PARVA: variants seen among roughly 807,000 people sequenced by gnomAD.
The protein encoded by PARVA is alpha-parvin.
PARVA carries 25 observed loss-of-function variants against 52.6 expected under a neutral mutation model. The observed-to-expected ratio is 0.48, with a 90% CI of 0.35 to 0.66. PARVA has a LOEUF of 0.66. Ranked by LOEUF, PARVA falls within the 30% of genes least tolerant of loss-of-function variation. PARVA has a pLI of 0.01. For missense variants in PARVA, 373 were observed against 450.9 expected (o/e 0.83, Z 1.56); for synonymous variants, 185 against 179.1 (o/e 1.03, Z -0.26).
rs1007157539 is a variant in PARVA, at chr11:12,408,077, G to A, written c.136+30294G>A. On this transcript the variant is annotated intron_variant, in intron 1 of 12. Transcript: ENST00000334956. ...GCAATTTCTACTGACTGTTTTTCAC[G>A]TGTGTCCTGCCAGTTCTAAGGTCTG... 8.5e-5 allele frequency among the ~76,000 whole-genome samples: 13 copies of A among 152,192 alleles called. No individual in the cohort carries two copies. The South Asian group carries it at 1.9e-3, about 22-fold the overall frequency.
intron 1 of PARVA, among the ~76,000 whole-genome samples, chr11:12,410,356 G>T (rs1939976191): frequency 6.6e-6 from 1 of 152,198 alleles, no homozygotes. Context: ...TCCCTCCAAG[G>T]TCTGCCTTTC....
intron 5 of PARVA, among the ~76,000 whole-genome samples, chr11:12,499,321 C>A (rs1028264144): frequency 6.6e-6 from 1 of 152,092 alleles, no homozygotes; most frequent in Non-Finnish European, 1.5e-5. Context: ...CTCTCAGTTA[C>A]CTTCCGTGGA....
chr11:12,407,040 T>C (rs1163198887), intron 1 of PARVA, among the ~76,000 whole-genome samples: 1 of 152,200 alleles, frequency 6.6e-6, no homozygotes, highest in East Asian at 1.9e-4. Flanking sequence ...GTATGTCTTA[T>C]TAGACCCTAG....
intron 1 of PARVA, among the ~76,000 whole-genome samples, chr11:12,428,755 G>C (rs1400813026): frequency 3.3e-5 from 5 of 152,120 alleles, no homozygotes; most frequent in Non-Finnish European, 4.4e-5. Context: ...CCCCACGCAG[G>C]CACCTTTCAA....
chr11:12,458,315 T>A (rs1940726120), intron 1 of PARVA, among the ~76,000 whole-genome samples: 1 of 152,186 alleles, frequency 6.6e-6, no homozygotes. Context: ...CATACCCTAC[T>A]GAGAGTGAGC....
intron 1 of PARVA, among the ~76,000 whole-genome samples, chr11:12,414,339 G>C (rs544519102): frequency 1.3e-5 from 2 of 152,318 alleles, no homozygotes; most frequent in South Asian, 2.1e-4. Context: ...AGTTTGCTGA[G>C]TTTTATGCAG....
At chr11:12,508,730 A>G in intron 7 of PARVA, 88 bp downstream of exon 7, 2 of 1,034,456 alleles carry the variant, frequency 1.9e-6, no homozygotes, top group Non-Finnish European at 3.0e-6. Flanking sequence ...TTTAGTTTTC[A>G]TTTATTGGGA....
intron 10 of PARVA, among the ~76,000 whole-genome samples, chr11:12,516,656 A>T (rs766345888): frequency 1.4e-4 from 22 of 152,232 alleles, no homozygotes; most frequent in South Asian, 1.0e-3. Flanking sequence ...AGAGCAAGTA[A>T]GTCATGTCCT....
chr11:12,469,352 C>T (rs185085245), intron 1 of PARVA, among the ~76,000 whole-genome samples: 3 of 152,320 alleles, frequency 2.0e-5, no homozygotes, highest in Admixed American at 1.3e-4. Context: ...CTACCCCGAC[C>T]TTCAGCTGGG....
chr11:12,473,968 T>G lies in PARVA; in HGVS notation c.282T>G (p.Leu94=), dbSNP rs1220845690. 6.3e-7 allele frequency: 1 copy of G among 1,578,766 alleles called. No individual in the cohort carries two copies. Among genetic ancestry groups the G allele is most frequent in the East Asian group, 2.3e-5 (1 of 42,970 alleles). Reference sequence around the variant, plus strand: ...CAAACTCACGCAGTGACCCCAAGCTTCAAGAACTGATGAAGGTAAGAAGAA... The same window carrying G: ...CAAACTCACGCAGTGACCCCAAGCTGCAAGAACTGATGAAGGTAAGAAGAA... The part of the protein sequence containing the change: ...VDPNSRSDPK[L]QELMKVLIDW... Residue 94 remains leucine (L), a synonymous_variant, in exon 3 of 13, where the codon CTT becomes CTG. Coordinates refer to ENST00000334956, the MANE Select transcript of PARVA (RefSeq NM_018222.5).
At chr11:12,454,027 G>A (rs1348190776) in intron 1 of PARVA, among the ~76,000 whole-genome samples, 2 of 152,202 alleles carry the variant, frequency 1.3e-5, no homozygotes, top group Admixed American at 1.3e-4. Context: ...TTCCAGGAAG[G>A]CATTTGTATT....
chr11:12,490,456 G>T (rs1941220163), intron 4 of PARVA, among the ~76,000 whole-genome samples: 1 of 150,972 alleles, frequency 6.6e-6, no homozygotes, highest in East Asian at 1.9e-4. Context: ...GGTGGAGGTT[G>T]CAGTGAGCAG....
chr11:12,444,591 T>A (rs903981964), intron 1 of PARVA, among the ~76,000 whole-genome samples: 2 of 152,108 alleles, frequency 1.3e-5, no homozygotes, highest in African/African-American at 4.8e-5. Context: ...ACTACAGGCA[T>A]GCATCACCTC....
chr11:12,377,178 T>C (rs937463491), upstream of PARVA: 4 of 258,222 alleles, frequency 1.5e-5, no homozygotes, highest in Middle Eastern at 2.1e-3. Context: ...GTGGGCCTGA[T>C]AACCCCACAG....
intron 1 of PARVA, among the ~76,000 whole-genome samples, chr11:12,395,613 G>A (rs546888410): frequency 3.3e-5 from 5 of 152,264 alleles, no homozygotes; most frequent in African/African-American, 7.2e-5. Flanking sequence ...GGTACGGTGC[G>A]GCCCAGATCC....
chr11:12,378,884 G>A (rs947997532), intron 1 of PARVA, among the ~76,000 whole-genome samples: 1 of 152,152 alleles, frequency 6.6e-6, no homozygotes, highest in African/African-American at 2.4e-5. Flanking sequence ...TGGATCTCAC[G>A]CAAGAAAGAA....
intron 6 of PARVA, among the ~76,000 whole-genome samples, chr11:12,506,318 CTT>C (rs1423211350): frequency 2.6e-5 from 4 of 152,288 alleles, no homozygotes; most frequent in Non-Finnish European, 4.4e-5. Context: ...TAATAGCTCT[CTT>C]ATCACTAGAG....
At chr11:12,480,712 T>G (rs1941074781) in intron 4 of PARVA, 1 of 151,594 alleles carries the variant, frequency 6.6e-6, no homozygotes, top group Non-Finnish European at 1.5e-5. Context: ...TTTTGTGAAC[T>G]TAAGTTTAGA....
chr11:12,389,554 AGAAG>A (rs1589938233), intron 1 of PARVA, among the ~76,000 whole-genome samples: 1 of 152,322 alleles, frequency 6.6e-6, no homozygotes, highest in East Asian at 1.9e-4. Flanking sequence ...GTGCTGCAGT[AGAAG>A]CATTTAGGTG....
Sources: allele counts gnomAD v4.1 joint callset (sites outside exome capture counted in the v4.1 genomes callset), GRCh38; gene constraint gnomAD v4.1.1; transcripts MANE v1.5; gene names NCBI Gene and HGNC (gene_info 2026-07-23, HGNC 2026-07-21).